MAMLD1: variants seen among roughly 807,000 people sequenced by gnomAD.
MAMLD1 encodes the protein mastermind like domain containing 1, also known as mastermind-like domain-containing protein 1.
MAMLD1 carries 14 observed loss-of-function variants against 45.0 expected under a neutral mutation model. The observed-to-expected ratio is 0.31, with a 90% CI of 0.21 to 0.49. The LOEUF is 0.49. Among genes scored for constraint, MAMLD1 ranks in the 20% least tolerant of loss-of-function variants. The probability of loss-of-function intolerance (pLI) is 0.99; values close to 1 mark genes in which losing one functional copy is unlikely to be tolerated. For missense variants in MAMLD1, 543 were observed against 603.6 expected (o/e 0.90, Z 1.05); for synonymous variants, 254 against 247.8 (o/e 1.02, Z -0.24).
At chrX:150,459,020 A>G (rs185235196) in intron 2 of MAMLD1, among the ~76,000 whole-genome samples, 1 of 112,597 alleles carries the variant, frequency 8.9e-6, no homozygotes, top group Non-Finnish European at 1.9e-5. Context: ...TCTTATAGCA[A>G]CTATTTTTCT....
At chrX:150,418,510 G>T (rs1292647113) in intron 1 of MAMLD1, among the ~76,000 whole-genome samples, 1 of 102,496 alleles carries the variant, frequency 9.8e-6, no homozygotes, top group Admixed American at 1.1e-4. Context: ...TGCTTTTCTA[G>T]TTCTTTTAAT....
intron 5 of MAMLD1, among the ~76,000 whole-genome samples, chrX:150,494,805 G>C (rs1349080877): frequency 9.0e-6 from 1 of 111,319 alleles, no homozygotes; most frequent in Admixed American, 9.5e-5. Flanking sequence ...ACCTGAGCCC[G>C]CCAGGGAGGT....
At chrX:150,443,969 G>C (rs1321947965) in intron 1 of MAMLD1, among the ~76,000 whole-genome samples, 2 of 112,124 alleles carry the variant, frequency 1.8e-5, no homozygotes, top group African/African-American at 6.5e-5. Flanking sequence ...TGAAACTTGG[G>C]CATTTTGGAT....
chrX:150,472,002 G>A (rs1236529996), intron 4 of MAMLD1, among the ~76,000 whole-genome samples: 4 of 112,104 alleles, frequency 3.6e-5, no homozygotes, highest in Middle Eastern at 4.6e-3. Context: ...GAAAAAGACA[G>A]GTATTTGCAA....
chrX:150,421,309 G>C (rs1323927321), intron 1 of MAMLD1, among the ~76,000 whole-genome samples: 1 of 112,034 alleles, frequency 8.9e-6, no homozygotes, highest in African/African-American at 3.3e-5. Flanking sequence ...CACGGTGCAC[G>C]CACCCACTGA....
At chrX:150,494,883 TCAATA>T (rs1557408170) in intron 5 of MAMLD1, among the ~76,000 whole-genome samples, 18 of 92,091 alleles carry the variant, frequency 2.0e-4, no homozygotes, top group African/African-American at 6.9e-4. Context: ...ATACCCTGCC[TCAATA>T]CAAAACAAAC....
At chrX:150,366,837 C>G (rs1222751169) in intron 1 of MAMLD1, among the ~76,000 whole-genome samples, 1 of 110,688 alleles carries the variant, frequency 9.0e-6, no homozygotes, top group African/African-American at 3.3e-5. Context: ...GAACTTGGGA[C>G]AGACGAGGCA....
At chrX:150,398,336 A>G (rs971437622) in intron 1 of MAMLD1, among the ~76,000 whole-genome samples, 1 of 74,985 alleles carries the variant, frequency 1.3e-5, no homozygotes, top group Non-Finnish European at 2.7e-5. Flanking sequence ...GAAGAAGAAG[A>G]AGAAGAGGAA....
intron 1 of MAMLD1, among the ~76,000 whole-genome samples, chrX:150,415,176 T>C: frequency 1.8e-5 from 2 of 112,606 alleles, no homozygotes; most frequent in Non-Finnish European, 3.8e-5. Context: ...GCTGTGAGAA[T>C]TGGAAAACAT....
chrX:150,420,943 C>T (rs1557403483), intron 1 of MAMLD1: 1 of 113,221 alleles, frequency 8.8e-6, no homozygotes, highest in African/African-American at 3.2e-5. Context: ...AGGCAGGCCT[C>T]CTTGAGCTGT....
chrX:150,449,730 C>A (rs2035602717), intron 2 of MAMLD1, among the ~76,000 whole-genome samples: 1 of 110,969 alleles, frequency 9.0e-6, no homozygotes, highest in South Asian at 3.9e-4. Flanking sequence ...AGGGTCCCTT[C>A]TGTGTGCCTG....
rs782641841 is a variant in MAMLD1 at position 150,469,717 on chromosome X, C to T, written c.172-28C>T. On this transcript the variant is annotated intron_variant, in intron 3 of 7. Coordinates refer to ENST00000370401, the MANE Select transcript of MAMLD1 (RefSeq NM_005491.5). ...CTCTTCCCTTCTCCTCTCCTCTCTT[C>T]TCCTCTTCTCTTCTCTTCCATTCAC... 6.7e-5 allele frequency: 77 copies of T among 1,153,092 alleles called. No individual in the cohort carries two copies. The South Asian group carries it at 1.1e-3, about 17-fold the overall frequency.
chrX:150,367,023 C>T (rs2031515825), intron 1 of MAMLD1, among the ~76,000 whole-genome samples: 1 of 91,744 alleles, frequency 1.1e-5, no homozygotes, highest in Non-Finnish European at 2.1e-5. Context: ...CATCCTCTTC[C>T]GGCTGTGACC....
intron 5 of MAMLD1, among the ~76,000 whole-genome samples, chrX:150,481,614 G>A (rs782417666): frequency 2.7e-4 from 30 of 110,931 alleles, no homozygotes; most frequent in Non-Finnish European, 4.1e-4. Flanking sequence ...AGGATCGCTT[G>A]AGGCCAGGAG....
At chrX:150,409,720 A>G (rs1353557947) in intron 1 of MAMLD1, among the ~76,000 whole-genome samples, 1 of 111,738 alleles carries the variant, frequency 8.9e-6, no homozygotes, top group Non-Finnish European at 1.9e-5. Flanking sequence ...CTTCATTCAG[A>G]TAGTCACTGG....
Position 150,444,382 on chromosome X carries a change from G to A in MAMLD1, c.-63-1072G>A, listed in dbSNP as rs782410703. Among the ~76,000 whole-genome samples, 5 of 111,793 alleles carry A rather than the reference G, an allele frequency of 4.5e-5. No individual in the cohort carries two copies. In the East Asian group the frequency reaches 1.4e-3, roughly 31 times the overall value. ...AGCAGGCTTTTGTTGGGGCTTCTTTGTTAGTGCCCATTGGCATTCTGGGTT... is the reference window on the plus strand; with the variant it reads ...AGCAGGCTTTTGTTGGGGCTTCTTTATTAGTGCCCATTGGCATTCTGGGTT... On this transcript the variant is annotated intron_variant, in intron 1 of 7. Transcript: ENST00000370401.
chrX:150,475,421 C>G (rs782258933), intron 5 of MAMLD1, among the ~76,000 whole-genome samples: 5 of 112,107 alleles, frequency 4.5e-5, no homozygotes, highest in African/African-American at 1.6e-4. Flanking sequence ...GAGACACAAA[C>G]GCTTGAGTAA....
chrX:150,368,676 A>G (rs1188405228), intron 1 of MAMLD1, among the ~76,000 whole-genome samples: 2 of 111,880 alleles, frequency 1.8e-5, no homozygotes, highest in Non-Finnish European at 3.8e-5. Context: ...GTTTTCTTCT[A>G]GGGTTTTTAT....
intron 1 of MAMLD1, among the ~76,000 whole-genome samples, chrX:150,416,502 C>T (rs1360972753): frequency 1.8e-5 from 2 of 112,110 alleles, no homozygotes; most frequent in African/African-American, 6.5e-5. Flanking sequence ...CTCGTCTTGT[C>T]TATTTATCAT....
Sources: allele counts gnomAD v4.1 joint callset (sites outside exome capture counted in the v4.1 genomes callset), GRCh38; gene constraint gnomAD v4.1.1; transcripts MANE v1.5; gene names NCBI Gene and HGNC (gene_info 2026-07-23, HGNC 2026-07-21).